GATD1: variants seen among roughly 807,000 people sequenced by gnomAD.
The protein encoded by GATD1 is glutamine amidotransferase-like class 1 domain-containing protein 1.
A neutral mutation model predicts 25.9 loss-of-function variants in GATD1; 23 were observed. That is an observed-to-expected ratio of 0.89 (90% CI 0.64 to 1.26). The LOEUF is 1.26. Among genes scored for constraint, GATD1 ranks in the 50% most tolerant of loss-of-function variants. The pLI, the probability that GATD1 is intolerant of heterozygous loss-of-function variation, is 0.00. For missense variants in GATD1, 347 were observed against 312.5 expected (o/e 1.11, Z -0.83); for synonymous variants, 177 against 134.6 (o/e 1.31, Z -2.18).
chr11:771,387 G>A lies in GATD1; in HGVS notation c.490C>T (p.Arg164Cys), dbSNP rs376824470. 324 of 1,571,450 alleles carry A rather than the reference G, an allele frequency of 2.1e-4. No homozygotes were observed. Among genetic ancestry groups the A allele is most frequent in the South Asian group, 6.0e-4 (51 of 84,432 alleles). Residue 164 changes from arginine to cysteine, a missense_variant, in exon 6 of 8, where the codon CGC becomes TGC. Arg to Cys is a radical substitution (Grantham distance 180, BLOSUM62 -3). Coordinates refer to ENST00000319863, the MANE Select transcript of GATD1 (RefSeq NM_182612.4). ...CELVRAPGFARLPLVVEDFVK... is the reference protein window; with the variant it reads ...CELVRAPGFACLPLVVEDFVK... ...AAGTCCTCCACCACGAGCGGCAGGC[G>A]GGCGAAGCCGGGGGCCCTGACGAGC...
intron 1 of GATD1, among the ~76,000 whole-genome samples, chr11:775,734 C>T (rs1020341834): frequency 1.1e-4 from 16 of 152,092 alleles, no homozygotes; most frequent in Non-Finnish European, 2.9e-5. Context: ...ATACCCCTCC[C>T]CCGCCAGCTC....
rs981135055 is a variant in GATD1, at chr11:777,449, C to T, written c.14G>A (p.Arg5Gln). ...CAGACAGGCGGGCCTGTTAGGGAGC[C>T]GCTCGGACGCCATGGCTCGGGCTCG... is the stretch of plus-strand genomic sequence containing the variant. MASE[R>Q]LPNRPACLLV... Residue 5 changes from arginine (R) to glutamine (Q), a missense_variant, in exon 1 of 8, where the codon CGG becomes CAG. Physicochemically the swap from Arg to Gln is conservative, Grantham distance 43 (BLOSUM62 1). Transcript: ENST00000319863. The T allele has an allele frequency of 1.2e-5, 15 of 1,251,104 alleles. No homozygotes were observed. Among genetic ancestry groups the T allele is most frequent in the African/African-American group, 3.2e-5 (2 of 63,446 alleles). 77.5% of individuals were successfully genotyped at this position (1,251,104 alleles called of 1,614,324 possible). A position where few individuals can be genotyped will look rare whatever the true frequency, so the allele number is the denominator to read the frequency against.
chr11:767,446 C>G lies in GATD1; in HGVS notation c.*3451G>C. 10 of 1,481,384 alleles carry G rather than the reference C, an allele frequency of 6.8e-6. No homozygotes were observed. In the East Asian group the frequency reaches 7.4e-5, roughly 11 times the overall value. The allele number at this position is 1,481,384 out of a possible 1,614,324, so 91.8% of individuals were successfully genotyped here. A position where few individuals can be genotyped will look rare whatever the true frequency, so the allele number is the denominator to read the frequency against. ...GGCCTCGCACGCAGCTGAGGAATGA[C>G]GCAGGGGCCTGCAGGCAGCTCACGC... On this transcript the variant is annotated 3_prime_UTR_variant, in exon 8 of 8. Transcript: ENST00000319863.
Position 770,585 on chromosome 11 carries a change from G to A in GATD1, c.*312C>T. The A allele has an allele frequency of 4.2e-6, 6 of 1,411,932 alleles. No homozygotes were observed. Among genetic ancestry groups the A allele is most frequent in the Non-Finnish European group, 5.5e-6 (6 of 1,086,244 alleles). 87.5% of individuals were successfully genotyped at this position (1,411,932 alleles called of 1,614,324 possible). The stretch of plus-strand genomic sequence containing the variant: ...CAACAGTGACCACACGTGACAACCA[G>A]TCCTCCCTAGAAAACCCAGCCTGGA... On this transcript the variant is annotated 3_prime_UTR_variant, in exon 8 of 8. Transcript: ENST00000319863.
intron 2 of GATD1, among the ~76,000 whole-genome samples, chr11:774,585 C>T (rs1194361484): frequency 6.6e-6 from 1 of 152,224 alleles, no homozygotes; most frequent in African/African-American, 2.4e-5. Flanking sequence ...AATCCCAGCA[C>T]TTTGGGAGGC....
intron 1 of GATD1, chr11:776,677 C>G (rs1443766014): frequency 6.6e-6 from 1 of 152,408 alleles, no homozygotes; most frequent in Admixed American, 6.5e-5. Flanking sequence ...CCCCGGCCCC[C>G]ACCTCTCCGT....
Position 769,473 on chromosome 11 carries a change from AC to A in GATD1, c.*1423del. The A allele has an allele frequency of 5.9e-6, 1 of 170,054 alleles. No individual in the cohort carries two copies. The highest frequency in any genetic ancestry group is 1.2e-5 in the Non-Finnish European group (1 of 84,472). The allele number at this position is 170,054 out of a possible 1,614,324, so 10.5% of individuals were successfully genotyped here. A position where few individuals can be genotyped will look rare whatever the true frequency, so the allele number is the denominator to read the frequency against. On this transcript the variant is annotated 3_prime_UTR_variant, in exon 8 of 8. Transcript: ENST00000319863. ...GTAGCTGGGAATACAGGCGCCTGAC[AC>A]CACACCCGGCTCATTTTTGTATTTT...
intron 1 of GATD1, among the ~76,000 whole-genome samples, chr11:776,222 C>T (rs1863958504): frequency 1.3e-5 from 2 of 152,016 alleles, no homozygotes; most frequent in South Asian, 4.1e-4. Context: ...ACCTCGTGAT[C>T]CGCCCGCCTC....
intron 3 of GATD1, 128 bp downstream of exon 3, chr11:773,880 T>A: frequency 1.2e-6 from 1 of 807,458 alleles, no homozygotes; most frequent in South Asian, 1.7e-5. Flanking sequence ...GGCTGGAGGC[T>A]GCCCCAAATG....
chr11:773,792 C>CCCTGACTTT (rs1863690111), intron 3 of GATD1, among the ~76,000 whole-genome samples, 163 bp from the exon 4 acceptor site: 2 of 152,164 alleles, frequency 1.3e-5, no homozygotes, highest in Non-Finnish European at 2.9e-5. Context: ...CCAAGGGCCC[C>CCCTGACTTT]CCTGACTTTC....
In GATD1 at chr11:769,241, G is replaced by A. The variant is rs78298413; in HGVS notation, c.*1656C>T. ...CTAATCTGCGAGGCACTGGAGGGAC[G>A]CAGCCTTCAGGGCGGGGATGTGGCT... On this transcript the variant is annotated 3_prime_UTR_variant, in exon 8 of 8. Transcript: ENST00000319863. The A allele has an allele frequency of 0.013, 12,946 of 985,420 alleles. 775 individuals carry two copies. In the East Asian group the frequency reaches 0.27, roughly 21 times the overall value. The allele number at this position is 985,420 out of a possible 1,614,324, so 61.0% of individuals were successfully genotyped here.
intron 4 of GATD1, chr11:773,224 G>A: frequency 2.7e-6 from 1 of 374,196 alleles, no homozygotes; most frequent in Non-Finnish European, 4.9e-6. Flanking sequence ...AGCCCTGGAT[G>A]CCAGGCTTTC....
rs777057014 is a variant in GATD1 at position 771,443 on chromosome 11, G to A, written c.451-17C>T. 1.3e-6 allele frequency: 2 copies of A among 1,516,442 alleles called. No individual in the cohort carries two copies. The highest frequency in any genetic ancestry group is 2.7e-5 in the South Asian group (2 of 75,328). The allele number at this position is 1,516,442 out of a possible 1,614,324, so 93.9% of individuals were successfully genotyped here. ...CACAGAGGGCTGCGGGAGCGGGGTGGGGGCTCCTGAGACAGGCCCAGGCCC... is the reference window on the plus strand; with the variant it reads ...CACAGAGGGCTGCGGGAGCGGGGTGAGGGCTCCTGAGACAGGCCCAGGCCC... On this transcript the variant is annotated splice_polypyrimidine_tract_variant and intron_variant, in intron 5 of 7. Coordinates refer to ENST00000319863, the MANE Select transcript of GATD1 (RefSeq NM_182612.4).
Position 770,330 on chromosome 11 carries a change from C to G in GATD1, c.*567G>C. 6.5e-7 allele frequency: 1 copy of G among 1,534,428 alleles called. No individual in the cohort carries two copies. Among genetic ancestry groups the G allele is most frequent in the South Asian group, 1.2e-5 (1 of 83,938 alleles). The stretch of plus-strand genomic sequence containing the variant: ...GGTGCTTACACTTTGAAACCACACG[C>G]CAGGAAGATTTCTTCAACAGGAAAG... On this transcript the variant is annotated 3_prime_UTR_variant, in exon 8 of 8. Coordinates refer to ENST00000319863, the MANE Select transcript of GATD1 (RefSeq NM_182612.4).
rs371925351 is a variant in GATD1, at chr11:772,493, G to A, written c.384C>T (p.Val128=). ...CGTTGGTGGCACAGCACAGGGCGGC[G>A]ACACCGTGGCCGACGGCGCAGATGG... is the stretch of plus-strand genomic sequence containing the variant. The part of the protein sequence containing the change: ...SKPICAVGHG[V]AALCCATNED... Residue 128 remains valine, a synonymous_variant, in exon 5 of 8, where the codon GTC becomes GTT. Transcript: ENST00000319863. 49 of 1,612,294 alleles carry A rather than the reference G, an allele frequency of 3.0e-5. No individual in the cohort carries two copies. The highest frequency in any genetic ancestry group is 1.5e-4 in the Admixed American group (9 of 60,008).
chr11:771,952 C>T (rs1328547514), intron 5 of GATD1, among the ~76,000 whole-genome samples: 2 of 152,140 alleles, frequency 1.3e-5, no homozygotes, highest in African/African-American at 4.8e-5. Context: ...GCCACCTCTC[C>T]CTGCCTCAGG....
intron 2 of GATD1, among the ~76,000 whole-genome samples, chr11:774,754 C>T (rs530392598): frequency 1.6e-4 from 25 of 152,224 alleles, no homozygotes; most frequent in African/African-American, 4.3e-4. Flanking sequence ...TGCTTGAACC[C>T]GGGAGGCGGA....
rs1863198686 is a variant in GATD1 at position 768,717 on chromosome 11, A to G, written c.*2180T>C. On this transcript the variant is annotated 3_prime_UTR_variant, in exon 8 of 8. Coordinates refer to ENST00000319863, the MANE Select transcript of GATD1 (RefSeq NM_182612.4). The stretch of plus-strand genomic sequence containing the variant: ...CGTGGCGGCTCACGCCTGTAATCCC[A>G]GCACTTTGGGAGGCTGAGGAAGATG... The G allele has an allele frequency of 6.6e-6, 1 of 152,246 alleles. No homozygotes were observed. The highest frequency in any genetic ancestry group is 6.5e-5 in the Admixed American group (1 of 15,278). The allele number at this position is 152,246 out of a possible 1,614,324, so 9.4% of individuals were successfully genotyped here. A position where few individuals can be genotyped will look rare whatever the true frequency, so the allele number is the denominator to read the frequency against.
chr11:777,454 G>T lies in GATD1; in HGVS notation c.9C>A (p.Ser3=), dbSNP rs564246377. 3.2e-6 allele frequency: 4 copies of T among 1,244,338 alleles called. No individual in the cohort carries two copies. The highest frequency in any genetic ancestry group is 2.7e-5 in the South Asian group (1 of 37,074). The allele number at this position is 1,244,338 out of a possible 1,614,324, so 77.1% of individuals were successfully genotyped here. A position where few individuals can be genotyped will look rare whatever the true frequency, so the allele number is the denominator to read the frequency against. The change falls in exon 1 of 8, where the codon TCC becomes TCA. Residue 3 remains serine, a synonymous_variant. Transcript: ENST00000319863. ...AGGCGGGCCTGTTAGGGAGCCGCTC[G>T]GACGCCATGGCTCGGGCTCGGCGCT... MA[S]ERLPNRPACL...
Sources: allele counts gnomAD v4.1 joint callset (sites outside exome capture counted in the v4.1 genomes callset), GRCh38; gene constraint gnomAD v4.1.1; transcripts MANE v1.5; gene names NCBI Gene and HGNC (gene_info 2026-07-23, HGNC 2026-07-21).